ODAM: variants seen among roughly 807,000 people sequenced by gnomAD.
The protein encoded by ODAM is odontogenic, ameloblast associated.
Under a neutral mutation model 48.5 loss-of-function variants are expected in ODAM, and 55 were observed. The observed-to-expected ratio is 1.13, with a 90% CI of 0.91 to 1.42. The LOEUF is 1.42. ODAM is among the 40% of genes most tolerant of loss of function. The pLI is 0.00. For missense variants in ODAM, 353 were observed against 323.6 expected, an observed-to-expected ratio of 1.09 and a Z score of -0.70; for synonymous variants, 127 against 107.8, an observed-to-expected ratio of 1.18 and a Z score of -1.10.
chr4:70,203,480 A>C (rs1427163448), intron 11 of ODAM, among the ~76,000 whole-genome samples: 3 of 151,942 alleles, frequency 2.0e-5, no homozygotes, highest in African/African-American at 7.2e-5. Flanking sequence ...CCATTGTAAA[A>C]GACATTCTAT....
Position 70,197,960 on chromosome 4 carries a change from A to C in ODAM, c.178A>C (p.Ile60Leu), listed in dbSNP as rs1050246002. The change falls in exon 5 of 12, where the codon ATT becomes CTT. Residue 60 changes from isoleucine to leucine, a missense_variant. Coordinates refer to ENST00000683306, the MANE Select transcript of ODAM (RefSeq NM_017855.4). ...LNSWIPPFSGILQQQQQAQIP... is the reference protein window; with the variant it reads ...LNSWIPPFSGLLQQQQQAQIP... ...TTCATGGATTCCACCTTTCTCTGGA[A>C]TTTTACAACAGCAGCAGCAGGCTCA... 1.7e-5 allele frequency: 27 copies of C among 1,613,066 alleles called. No homozygotes were observed. In the Admixed American group the frequency reaches 4.3e-4, roughly 26 times the overall value.
chr4:70,203,124 AC>A (rs757980695), intron 10 of ODAM, 31 bp from the exon 11 acceptor site: 2 of 1,544,014 alleles, frequency 1.3e-6, no homozygotes, highest in South Asian at 2.3e-5. Context: ...CAATTTAATA[AC>A]AGTTTCTTAT....
rs1451779642 is a variant in ODAM at position 70,196,557 on chromosome 4, T to C, written c.14T>C (p.Ile5Thr). Residue 5 changes from isoleucine to threonine, a missense_variant, in exon 2 of 12, where the codon ATT becomes ACT. Ile to Thr is a moderately conservative substitution (Grantham distance 89). Transcript: ENST00000683306. MKII[I>T]LLGFLGATLS... Reference sequence around the variant, plus strand: ...TATCATACGAAAATGAAAATTATAATTCTTCTTGGATTCCTGGGAGCCACA... The same window carrying C: ...TATCATACGAAAATGAAAATTATAACTCTTCTTGGATTCCTGGGAGCCACA... 3 of 1,588,046 alleles carry C rather than the reference T, an allele frequency of 1.9e-6. No individual in the cohort carries two copies. The highest frequency in any genetic ancestry group is 2.6e-6 in the Non-Finnish European group (3 of 1,161,144).
At chr4:70,200,159 A>G in intron 6 of ODAM, 1 of 427,704 alleles carries the variant, frequency 2.3e-6, no homozygotes, top group Non-Finnish European at 4.5e-6. Flanking sequence ...GGTAAGTGCT[A>G]CATAGGCTAT....
At chr4:70,199,714 A>C (rs995179855) in intron 6 of ODAM, among the ~76,000 whole-genome samples, 1 of 152,002 alleles carries the variant, frequency 6.6e-6, no homozygotes, top group Non-Finnish European at 1.5e-5. Flanking sequence ...AAAATGCTCA[A>C]ATGTGAGTTT....
intron 2 of ODAM, 44 bp from the exon 3 acceptor site, chr4:70,196,648 C>G (rs372202605): frequency 1.9e-6 from 3 of 1,597,856 alleles, no homozygotes; most frequent in Non-Finnish European, 2.6e-6. Context: ...TCAACAATCC[C>G]TTCTTTTTAC....
At chr4:70,196,647 C>A in intron 2 of ODAM, 45 bp from the exon 3 acceptor site, 1 of 1,596,536 alleles carries the variant, frequency 6.3e-7, no homozygotes, top group Non-Finnish European at 8.6e-7. Context: ...TTCAACAATC[C>A]CTTCTTTTTA....
At chr4:70,199,392 C>T (rs555487420) in intron 6 of ODAM, among the ~76,000 whole-genome samples, 1 of 152,050 alleles carries the variant, frequency 6.6e-6, no homozygotes. Context: ...CATTATAAAA[C>T]AAAAGTTACT....
chr4:70,197,443 A>C (rs1729396207), intron 4 of ODAM, 122 bp downstream of exon 4: 2 of 713,760 alleles, frequency 2.8e-6, no homozygotes, highest in Admixed American at 4.7e-5. Flanking sequence ...TAACATTATG[A>C]ATTTGTCTCA....
At chr4:70,196,491 T>C in intron 1 of ODAM, 38 bp from the exon 2 acceptor site, 2 of 1,136,224 alleles carry the variant, frequency 1.8e-6, no homozygotes, top group Non-Finnish European at 1.3e-6. Flanking sequence ...TTTTAAGTAA[T>C]GTCTTTATAA....
At chr4:70,196,246 T>C (rs973758421) in intron 1 of ODAM, among the ~76,000 whole-genome samples, 4 of 151,978 alleles carry the variant, frequency 2.6e-5, no homozygotes, top group Middle Eastern at 3.2e-3. Context: ...GATCATCTTG[T>C]TCTTTAATGC....
At chr4:70,202,962 GA>G (rs1729538993) in intron 10 of ODAM, 45 bp downstream of exon 10, 4 of 1,544,116 alleles carry the variant, frequency 2.6e-6, no homozygotes, top group Non-Finnish European at 3.5e-6. Flanking sequence ...ATTGTCTAAT[GA>G]AAAAATACAG....
At chr4:70,200,756 G>A (rs546863616) in intron 7 of ODAM, among the ~76,000 whole-genome samples, 155 bp downstream of exon 7, 3 of 151,992 alleles carry the variant, frequency 2.0e-5, no homozygotes, top group South Asian at 2.1e-4. Flanking sequence ...TAGTGTTCTC[G>A]GCTATAAATC....
intron 6 of ODAM, chr4:70,200,144 T>C (rs1729464720): frequency 2.2e-6 from 1 of 446,930 alleles, no homozygotes; most frequent in Non-Finnish European, 4.4e-6. Context: ...TTCTCAAAAA[T>C]ATAGGGTAAG....
At chr4:70,199,841 T>A (rs528764327) in intron 6 of ODAM, among the ~76,000 whole-genome samples, 2 of 152,076 alleles carry the variant, frequency 1.3e-5, no homozygotes, top group African/African-American at 4.8e-5. Context: ...AAAAACAGCA[T>A]ACAAAAATTA....
chr4:70,198,058 C>A lies in ODAM; in HGVS notation c.276C>A (p.Pro92=). The A allele has an allele frequency of 6.2e-7, 1 of 1,613,340 alleles. No individual in the cohort carries two copies. The highest frequency in any genetic ancestry group is 8.5e-7 in the Non-Finnish European group (1 of 1,179,538). Residue 92 remains proline (P), a synonymous_variant, in exon 5 of 12, where the codon CCC becomes CCA. Coordinates refer to ENST00000683306, the MANE Select transcript of ODAM (RefSeq NM_017855.4). ...QFAGLLPNQI[P]LTGEASFAQG... is the part of the protein sequence containing the mutation. ...CTGGACTGCTCCCAAATCAGATACC[C>A]TTAACAGGAGAGGCCAGTTTTGCCC... is the stretch of plus-strand genomic sequence containing the variant.
intron 8 of ODAM, 141 bp downstream of exon 8, chr4:70,201,642 AAGG>A (rs1188837996): frequency 2.1e-5 from 13 of 623,660 alleles, no homozygotes; most frequent in African/African-American, 9.7e-5. Context: ...CACTCAGTAC[AAGG>A]AGGAGAACAC....
At position 70,197,969 on chromosome 4, in the gene ODAM, C is replaced by T. The variant is rs1462986836; in HGVS notation, c.187C>T (p.Gln63Ter). 1.9e-6 allele frequency: 3 copies of T among 1,613,012 alleles called. No individual in the cohort carries two copies. The highest frequency in any genetic ancestry group is 2.5e-6 in the Non-Finnish European group (3 of 1,179,296). ...TCCACCTTTCTCTGGAATTTTACAA[C>T]AGCAGCAGCAGGCTCAAATTCCAGG... is the stretch of plus-strand genomic sequence containing the variant. The part of the protein sequence containing the change: ...WIPPFSGILQ[Q>*]QQQAQIPGLS... Residue 63 changes from glutamine to a stop codon, truncating the protein, a stop_gained, in exon 5 of 12, where the codon CAG (glutamine) becomes TAG (stop). Transcript: ENST00000683306. LOFTEE classifies it high-confidence loss of function.
At chr4:70,197,864 A>G in intron 4 of ODAM, 60 bp from the exon 5 acceptor site, 1 of 1,401,004 alleles carries the variant, frequency 7.1e-7, no homozygotes, top group East Asian at 2.3e-5. Flanking sequence ...GCTCAGGACT[A>G]ATTTTTAAAT....
Sources: allele counts gnomAD v4.1 joint callset (sites outside exome capture counted in the v4.1 genomes callset), GRCh38; gene constraint gnomAD v4.1.1; transcripts MANE v1.5; gene names NCBI Gene and HGNC (gene_info 2026-07-23, HGNC 2026-07-21).